LRRC7: variants seen among roughly 807,000 people sequenced by gnomAD.
LRRC7 encodes leucine-rich repeat-containing protein 7.
LRRC7 carries 23 observed loss-of-function variants against 175.7 expected under a neutral mutation model. The ratio of observed to expected loss-of-function variants is 0.13; its 90% CI spans 0.09 to 0.19. LRRC7 has a LOEUF of 0.19. Ranked by LOEUF, LRRC7 falls within the 10% of genes least tolerant of loss-of-function variation. The probability of loss-of-function intolerance (pLI) is 1.00; values close to 1 mark genes in which losing one functional copy is unlikely to be tolerated. For synonymous variants in LRRC7, 685 were observed against 680.9 expected (o/e 1.01, Z -0.09); for missense variants, 1,354 against 1,904.7 (o/e 0.71, Z 5.38).
intron 7 of LRRC7, among the ~76,000 whole-genome samples, chr1:69,906,787 T>C (rs1394158638): frequency 6.6e-6 from 1 of 152,212 alleles, no homozygotes; most frequent in African/African-American, 2.4e-5. Context: ...TTTTTTCCAA[T>C]TCTGTGAAGA....
chr1:69,901,460 G>GA (rs1646133167), intron 7 of LRRC7, among the ~76,000 whole-genome samples: 2 of 30,388 alleles, frequency 6.6e-5, no homozygotes, highest in South Asian at 1.5e-3. Flanking sequence ...CTTTTCTTAT[G>GA]GGGAAGTGGG....
rs1331453205 is a variant in LRRC7, at chr1:69,727,624, T to A, written c.101-32567T>A. Among the ~76,000 whole-genome samples the A allele has an allele frequency of 2.0e-5, 3 of 152,174 alleles. No individual in the cohort carries two copies. In the East Asian group the frequency reaches 5.8e-4, roughly 29 times the overall value. On this transcript the variant is annotated intron_variant, in intron 2 of 26. Coordinates refer to ENST00000651989, the MANE Select transcript of LRRC7 (RefSeq NM_001370785.2). The stretch of plus-strand genomic sequence containing the variant: ...ACTTTACAGAATTGCTTTTTCTAGA[T>A]CAATTTTCATTAGAAAGGAGGCTTT...
At chr1:69,653,468 G>C (rs910120678) in intron 1 of LRRC7, among the ~76,000 whole-genome samples, 1 of 151,538 alleles carries the variant, frequency 6.6e-6, no homozygotes, top group African/African-American at 2.4e-5. Flanking sequence ...GTTTTTTTAA[G>C]TGTTAGCAAG....
chr1:69,660,994 A>T (rs1421923853), intron 1 of LRRC7, among the ~76,000 whole-genome samples: 1 of 152,036 alleles, frequency 6.6e-6, no homozygotes, highest in Non-Finnish European at 1.5e-5. Context: ...ACTTATTTAG[A>T]TATGCACAAA....
At chr1:69,952,357 T>C (rs1023347052) in intron 8 of LRRC7, among the ~76,000 whole-genome samples, 1 of 152,068 alleles carries the variant, frequency 6.6e-6, no homozygotes, top group East Asian at 1.9e-4. Context: ...CTTAGACATA[T>C]GTATTTATTA....
chr1:69,917,398 G>T (rs921930565), intron 7 of LRRC7, among the ~76,000 whole-genome samples: 1 of 152,164 alleles, frequency 6.6e-6, no homozygotes, highest in Non-Finnish European at 1.5e-5. Context: ...TGAAGAAGGC[G>T]TAGAGCCAAT....
intron 24 of LRRC7, among the ~76,000 whole-genome samples, 199 bp from the exon 25 acceptor site, chr1:70,089,528 C>T (rs1343782317): frequency 6.6e-6 from 1 of 152,118 alleles, no homozygotes; most frequent in African/African-American, 2.4e-5. Flanking sequence ...TAATTTCAAG[C>T]GAGTTTCCAT....
At chr1:69,571,751 C>T (rs1645747037) in intron 1 of LRRC7, among the ~76,000 whole-genome samples, 1 of 152,122 alleles carries the variant, frequency 6.6e-6, no homozygotes, top group Admixed American at 6.5e-5. Context: ...AGGAATCACA[C>T]ATTCCACGAG....
At chr1:69,659,474 T>A (rs1657120926) in intron 1 of LRRC7, among the ~76,000 whole-genome samples, 1 of 146,792 alleles carries the variant, frequency 6.8e-6, no homozygotes, top group Non-Finnish European at 1.5e-5. Context: ...ATAGTGAAAC[T>A]GAAGAACACC....
intron 13 of LRRC7, among the ~76,000 whole-genome samples, chr1:70,016,124 A>G (rs931180568): frequency 6.6e-6 from 1 of 152,196 alleles, no homozygotes; most frequent in Non-Finnish European, 1.5e-5. Context: ...GGGAGAGAGT[A>G]TGCCAGAAAA....
chr1:70,073,795 CAGT>C (rs1286511520), intron 23 of LRRC7, among the ~76,000 whole-genome samples: 50 of 152,344 alleles, frequency 3.3e-4, no homozygotes, highest in African/African-American at 1.2e-3. Flanking sequence ...ATTGATTTGT[CAGT>C]AGCCAGGCCA....
chr1:69,606,703 T>TGGCA (rs1308163294), intron 1 of LRRC7, among the ~76,000 whole-genome samples: 2 of 152,110 alleles, frequency 1.3e-5, no homozygotes, highest in African/African-American at 4.8e-5. Context: ...GTAGAGTCCA[T>TGGCA]GGCAGTTTGA....
intron 18 of LRRC7, among the ~76,000 whole-genome samples, chr1:70,035,582 G>A (rs1241197987): frequency 8.1e-6 from 1 of 122,972 alleles, no homozygotes; most frequent in African/African-American, 3.3e-5. Context: ...GGAAGAGCAG[G>A]ATTTATAGGA....
intron 2 of LRRC7, among the ~76,000 whole-genome samples, chr1:69,733,073 T>C (rs1667753908): frequency 6.6e-6 from 1 of 152,020 alleles, no homozygotes; most frequent in Non-Finnish European, 1.5e-5. Flanking sequence ...TTCTTATCTA[T>C]TTAAGACATT....
intron 1 of LRRC7, among the ~76,000 whole-genome samples, chr1:69,570,812 T>C (rs1232028380): frequency 4.6e-5 from 7 of 152,180 alleles, no homozygotes; most frequent in Admixed American, 2.6e-4. Context: ...TTAAGAGTCA[T>C]ATGGCTAAAG....
intron 2 of LRRC7, among the ~76,000 whole-genome samples, chr1:69,697,462 C>T (rs1026177383): frequency 2.6e-5 from 4 of 152,206 alleles, no homozygotes; most frequent in African/African-American, 9.7e-5. Flanking sequence ...TTCACTACCC[C>T]GCTGTGGGCA....
intron 3 of LRRC7, among the ~76,000 whole-genome samples, chr1:69,786,445 T>C (rs796094191): frequency 1.1e-4 from 16 of 152,230 alleles, no homozygotes; most frequent in African/African-American, 3.9e-4. Context: ...CTTTTTTTCT[T>C]CTTTTTCATC....
At chr1:69,635,420 TTTAAAAGGATAATGCAG>T (rs1653174432) in intron 1 of LRRC7, among the ~76,000 whole-genome samples, 1 of 152,094 alleles carries the variant, frequency 6.6e-6, no homozygotes, top group Non-Finnish European at 1.5e-5. Context: ...GTGCATTGAA[TTTAAAAGGATAATGCAG>T]TTATTTTGAG....
At chr1:70,017,841 A>G (rs997058404) in intron 14 of LRRC7, among the ~76,000 whole-genome samples, 1 of 152,138 alleles carries the variant, frequency 6.6e-6, no homozygotes, top group African/African-American at 2.4e-5. Flanking sequence ...AATTTCTGGA[A>G]TCAATGTGAA....
Sources: allele counts gnomAD v4.1 joint callset (sites outside exome capture counted in the v4.1 genomes callset), GRCh38; gene constraint gnomAD v4.1.1; transcripts MANE v1.5; gene names NCBI Gene and HGNC (gene_info 2026-07-23, HGNC 2026-07-21).